BOP1: variants seen among roughly 807,000 people sequenced by gnomAD.
BOP1 encodes the protein ribosome biogenesis protein BOP1.
BOP1 carries 54 observed loss-of-function variants against 82.9 expected under a neutral mutation model. The observed-to-expected ratio is 0.65, with a 90% CI of 0.52 to 0.82. The LOEUF (loss-of-function observed/expected upper bound fraction) is 0.82, where lower values mean the gene tolerates loss of function less well. BOP1 is among the 40% of genes least tolerant of loss of function. BOP1 has a pLI of 0.00. For synonymous variants in BOP1, 566 were observed against 451.1 expected (o/e 1.25, Z -3.23); for missense variants, 1,170 against 1,072.0 (o/e 1.09, Z -1.28).
In BOP1 at chr8:144,264,103, G is replaced by A. The variant is rs1339741307; in HGVS notation, c.1018C>T (p.Leu340=). ...WEQQEPGERK[L]SFLPRKFPSL... is the part of the protein sequence containing the mutation. ...GGGAACTTGCGTGGCAAAAAGCTCA[G>A]CTTCCTCTCGCCTGGCTCCTGCTGT... Residue 340 remains leucine (L), a synonymous_variant, in exon 8 of 16, where the codon CTG becomes TTG. Coordinates refer to ENST00000569669, the MANE Select transcript of BOP1 (RefSeq NM_015201.5). The A allele has an allele frequency of 3.7e-6, 6 of 1,610,226 alleles. No individual in the cohort carries two copies. The highest frequency in any genetic ancestry group is 4.2e-6 in the Non-Finnish European group (5 of 1,179,340).
At chr8:144,266,768 CCCGGCGGAGGGCGGGGGG>C (rs1845378355) in intron 3 of BOP1, 8 of 1,073,720 alleles carry the variant, frequency 7.5e-6, no homozygotes, top group African/African-American at 3.4e-5. Flanking sequence ...CTCCAGGGCG[CCCGGCGGAGGGCGGGGGG>C]CCGGCGGGCC....
At position 144,263,908 on chromosome 8, in the gene BOP1, T is replaced by C; in HGVS notation, c.1144A>G (p.Asn382Asp). 1.2e-6 allele frequency: 2 copies of C among 1,611,502 alleles called. No homozygotes were observed. Among genetic ancestry groups the C allele is most frequent in the Non-Finnish European group, 1.7e-6 (2 of 1,179,400 alleles). ...LCPRQRKMRVNVDPEDLIPKL... is the reference protein window; with the variant it reads ...LCPRQRKMRVDVDPEDLIPKL... ...GGGATGAGGTCCTCAGGGTCTACATTCACCTGGGGCAGGAGAGCGCCAGGT... is the reference window on the plus strand; with the variant it reads ...GGGATGAGGTCCTCAGGGTCTACATCCACCTGGGGCAGGAGAGCGCCAGGT... The change falls in exon 9 of 16, where the codon AAT (asparagine) becomes GAT (aspartate). Residue 382 changes from asparagine (N) to aspartate (D), a missense_variant. Transcript: ENST00000569669.
At chr8:144,265,189 C>T (rs1845332274) in intron 3 of BOP1, 118 bp from the exon 4 acceptor site, 2 of 1,217,126 alleles carry the variant, frequency 1.6e-6, no homozygotes, top group East Asian at 2.4e-5. Flanking sequence ...CCTCAAGTGC[C>T]CTGAGGTCAC....
Position 144,263,533 on chromosome 8 carries a change from C to G in BOP1, c.1369G>C (p.Val457Leu). 14 of 1,600,002 alleles carry G rather than the reference C, an allele frequency of 8.7e-6. No homozygotes were observed. Among genetic ancestry groups the G allele is most frequent in the Non-Finnish European group, 1.2e-5 (14 of 1,179,722 alleles). The change falls in exon 11 of 16, where the codon GTG becomes CTG. Residue 457 changes from valine to leucine, a missense_variant. Val to Leu is a conservative substitution (Grantham distance 32, BLOSUM62 1). Transcript: ENST00000569669. The stretch of plus-strand genomic sequence containing the variant: ...CTGGGGTTCCAGGCCACACTCTTCA[C>G]CACGCCCCCCACGGGAACAGTCCTC... ...CVRTVPVGGV[V>L]KSVAWNPSPA...
rs1554840182 is a variant in BOP1, at chr8:144,291,306, G to T, written c.65C>A (p.Ser22Tyr). ...GGGCTCAGGCTCCAGTTCGGGCTCA[G>T]ACCGCCGCTTCTCCGGCCGCACGCT... ...APSVRPEKRRSEPELEPEPEP... is the reference protein window; with the variant it reads ...APSVRPEKRRYEPELEPEPEP... Residue 22 changes from serine (S) to tyrosine (Y), a missense_variant, in exon 1 of 16, where the codon TCT becomes TAT. Physicochemically the swap from Ser to Tyr is moderately radical, Grantham distance 144 (BLOSUM62 -2). Transcript: ENST00000569669. The surrounding 1 kb of genome is among the most constrained non-coding windows in gnomAD (Gnocchi z 4.1). 1 of 1,447,208 alleles carries T rather than the reference G, an allele frequency of 6.9e-7. No homozygotes were observed. Among genetic ancestry groups the T allele is most frequent in the South Asian group, 1.3e-5 (1 of 75,622 alleles). The allele number at this position is 1,447,208 out of a possible 1,614,324, so 89.6% of individuals were successfully genotyped here.
intron 3 of BOP1, chr8:144,268,213 C>T: frequency 6.5e-7 from 1 of 1,542,972 alleles, no homozygotes; most frequent in Non-Finnish European, 8.8e-7. Context: ...CTGCAGACAG[C>T]CCCCACCTTG....
chr8:144,283,503 G>T (rs782190360), intron 2 of BOP1, among the ~76,000 whole-genome samples: 3 of 152,174 alleles, frequency 2.0e-5, no homozygotes, highest in Non-Finnish European at 4.4e-5. Context: ...TGTAAAAATG[G>T]GGTCTCATTA....
chr8:144,277,905 A>AT (rs200503938), intron 2 of BOP1, among the ~76,000 whole-genome samples: 1,288 of 92,398 alleles, frequency 0.014, 26 homozygotes, highest in African/African-American at 0.035. Context: ...CATTGAACGT[A>AT]TTTTTTTTAA....
chr8:144,266,521 C>CG (rs2130207588), intron 3 of BOP1: 1 of 989,978 alleles, frequency 1.0e-6, no homozygotes, highest in East Asian at 1.1e-4. Flanking sequence ...AGACCCCGCG[C>CG]CTCGCCCCGG....
At chr8:144,266,378 G>A (rs1482878156) in intron 3 of BOP1, among the ~76,000 whole-genome samples, 1 of 151,946 alleles carries the variant, frequency 6.6e-6, no homozygotes, top group African/African-American at 2.4e-5. Flanking sequence ...GGAGCCTCCG[G>A]GCTGAGAGGG....
At chr8:144,270,657 T>C (rs1343494426) in intron 3 of BOP1, among the ~76,000 whole-genome samples, 4 of 152,000 alleles carry the variant, frequency 2.6e-5, no homozygotes, top group African/African-American at 9.7e-5. Flanking sequence ...GGGGGTGGCG[T>C]GGGCTGACCC....
intron 3 of BOP1, chr8:144,268,110 G>A: frequency 6.4e-7 from 1 of 1,551,270 alleles, no homozygotes; most frequent in Non-Finnish European, 8.7e-7. Context: ...GCAGAGCAAG[G>A]ACCGCGACAG....
intron 2 of BOP1, among the ~76,000 whole-genome samples, chr8:144,283,222 A>G (rs950460788): frequency 2.0e-5 from 3 of 149,670 alleles, no homozygotes; most frequent in East Asian, 1.9e-4. Context: ...AAAAAAAAAA[A>G]AAAGAAAGGC....
chr8:144,286,329 C>A lies in BOP1; in HGVS notation c.309+2766G>T, dbSNP rs1034275560. Among the ~76,000 whole-genome samples the A allele has an allele frequency of 2.9e-4, 43 of 147,188 alleles. 1 individual carries two copies. Among genetic ancestry groups the A allele is most frequent in the Non-Finnish European group, 6.0e-5 (4 of 66,634 alleles). On this transcript the variant is annotated intron_variant, in intron 2 of 15. Coordinates refer to ENST00000569669, the MANE Select transcript of BOP1 (RefSeq NM_015201.5). ...AGCACAGGACACGCGGGCAGATGCACGGGCGCCATGGCAGGGCAGGGCCTC... is the reference window on the plus strand; with the variant it reads ...AGCACAGGACACGCGGGCAGATGCAAGGGCGCCATGGCAGGGCAGGGCCTC...
At chr8:144,266,562 A>G in intron 3 of BOP1, 1 of 1,005,022 alleles carries the variant, frequency 1.0e-6, no homozygotes. Flanking sequence ...CGGCCGCAGG[A>G]GGCGGCATGA....
chr8:144,262,896 C>T lies in BOP1; in HGVS notation c.1851G>A (p.Met617Ile). The change falls in exon 13 of 16, where the codon ATG (methionine) becomes ATA (isoleucine). Residue 617 changes from methionine to isoleucine, a missense_variant. Coordinates refer to ENST00000569669, the MANE Select transcript of BOP1 (RefSeq NM_015201.5). ...LLRQELTKKL[M>I]PNCKWVSSLA... The stretch of plus-strand genomic sequence containing the variant: ...GGCTGGACACCCACTTGCAGTTGGG[C>T]ATCAGCTTCTTGGTGAGCTCCTGGC... 1 of 1,518,312 alleles carries T rather than the reference C, an allele frequency of 6.6e-7. No homozygotes were observed. The highest frequency in any genetic ancestry group is 8.8e-7 in the Non-Finnish European group (1 of 1,134,650). The allele number at this position is 1,518,312 out of a possible 1,614,324, so 94.1% of individuals were successfully genotyped here.
Position 144,263,712 on chromosome 8 carries a change from C to T in BOP1, c.1271G>A (p.Gly424Glu). 1 of 1,574,052 alleles carries T rather than the reference C, an allele frequency of 6.4e-7. No individual in the cohort carries two copies. The highest frequency in any genetic ancestry group is 1.9e-5 in the Admixed American group (1 of 53,672). ...CCCACCTGAAACCAGCCACTGGCCC[C>T]CAGGAGAGACACTGAGGCACCGGAC... ...DLVRCLSVSP[G>E]GQWLVSGSDD... The change falls in exon 10 of 16, where the codon GGG becomes GAG. Residue 424 changes from glycine (G) to glutamate (E), a missense_variant. Physicochemically the swap from Gly to Glu is moderately conservative, Grantham distance 98 (BLOSUM62 -2). Transcript: ENST00000569669.
rs1845267677 is a variant in BOP1, at chr8:144,263,148, G to A, written c.1606-7C>T. ...AGGTCACCTGCGTCACTGGCTGCAGGAGAGCAAGGCTGGCTGAGTGGCTGA... is the reference window on the plus strand; with the variant it reads ...AGGTCACCTGCGTCACTGGCTGCAGAAGAGCAAGGCTGGCTGAGTGGCTGA... On this transcript the variant is annotated splice_region_variant and splice_polypyrimidine_tract_variant and intron_variant, in intron 12 of 15. Coordinates refer to ENST00000569669, the MANE Select transcript of BOP1 (RefSeq NM_015201.5). 8.2e-6 allele frequency: 13 copies of A among 1,593,628 alleles called. No individual in the cohort carries two copies. The Admixed American group carries it at 1.2e-4, about 14-fold the overall frequency.
intron 2 of BOP1, among the ~76,000 whole-genome samples, chr8:144,282,271 C>T (rs1291589110): frequency 6.6e-6 from 1 of 152,206 alleles, no homozygotes; most frequent in Non-Finnish European, 1.5e-5. Context: ...CCCAGGGCGC[C>T]CCTCCAGTGG....
Sources: gnomAD v4.1 joint callset for allele counts (sites outside exome capture counted in the v4.1 genomes callset) on GRCh38, gnomAD v4.1.1 for gene constraint, Gnocchi (gnomAD v3.1) non-coding constraint, MANE v1.5 for transcripts, NCBI Gene and HGNC (gene_info 2026-07-23, HGNC 2026-07-21) for gene names.